Variants in UNC5D observed in about 807,000 individuals in gnomAD.
UNC5D encodes the protein netrin receptor UNC5D.
Under a neutral mutation model 105.4 loss-of-function variants are expected in UNC5D, and 39 were observed. The ratio of observed to expected loss-of-function variants is 0.37; its 90% CI spans 0.29 to 0.48. UNC5D has a LOEUF of 0.48. Among genes scored for constraint, UNC5D ranks in the 20% least tolerant of loss-of-function variants. UNC5D has a pLI of 0.98. For synonymous variants in UNC5D, 452 were observed against 450.4 expected, an observed-to-expected ratio of 1.00 and a Z score of -0.04; for missense variants, 991 against 1,202.4, an observed-to-expected ratio of 0.82 and a Z score of 2.60.
chr8:35,412,945 G>A (rs967628999), intron 1 of UNC5D, among the ~76,000 whole-genome samples: 1 of 152,074 alleles, frequency 6.6e-6, no homozygotes, highest in Admixed American at 6.5e-5. Context: ...TACAGAGGGA[G>A]TGCTTCATAA....
chr8:35,599,532 C>T (rs1327627787), intron 4 of UNC5D, among the ~76,000 whole-genome samples: 1 of 152,032 alleles, frequency 6.6e-6, no homozygotes, highest in Non-Finnish European at 1.5e-5. Flanking sequence ...TTCTCACATC[C>T]AGGTGTTCAA....
chr8:35,549,757 G>C (rs1197091875), intron 2 of UNC5D, among the ~76,000 whole-genome samples: 4 of 152,100 alleles, frequency 2.6e-5, no homozygotes, highest in Admixed American at 2.6e-4. Context: ...ACCAAATTTT[G>C]TATGAAAATT....
rs748852542 is a variant in UNC5D, at chr8:35,791,070, C to A, written c.*507C>A. ...CAACCCATTTGTATGACTTCAACAA[C>A]GTCAAGGAGGGCATTTAGAATTTAG... On this transcript the variant is annotated 3_prime_UTR_variant, in exon 17 of 17. Coordinates refer to ENST00000404895, the MANE Select transcript of UNC5D (RefSeq NM_080872.4). 1.7e-5 allele frequency: 3 copies of A among 180,226 alleles called. No homozygotes were observed. Among genetic ancestry groups the A allele is most frequent in the Admixed American group, 5.4e-5 (1 of 18,676 alleles). 11.2% of individuals were successfully genotyped at this position (180,226 alleles called of 1,614,324 possible).
chr8:35,494,631 A>G (rs1811432664), intron 1 of UNC5D, among the ~76,000 whole-genome samples: 1 of 152,200 alleles, frequency 6.6e-6, no homozygotes. Flanking sequence ...AATCATTCGT[A>G]TACCCTGGCA....
At chr8:35,438,182 A>C (rs1323615784) in intron 1 of UNC5D, among the ~76,000 whole-genome samples, 1 of 152,080 alleles carries the variant, frequency 6.6e-6, no homozygotes, top group African/African-American at 2.4e-5. Flanking sequence ...TGATACAGTA[A>C]GGAGACCGAC....
At chr8:35,724,150 C>CT in intron 9 of UNC5D, 3 of 1,445,710 alleles carry the variant, frequency 2.1e-6, no homozygotes, top group Non-Finnish European at 2.7e-6. Flanking sequence ...GGAGTGCTGA[C>CT]TTGCCTACAC....
At chr8:35,460,804 CCTT>C (rs1261456071) in intron 1 of UNC5D, among the ~76,000 whole-genome samples, 1 of 152,020 alleles carries the variant, frequency 6.6e-6, no homozygotes, top group Non-Finnish European at 1.5e-5. Context: ...GGGCATATGC[CCTT>C]CAGGCTAATT....
At position 35,235,575 on chromosome 8, in the gene UNC5D, G is replaced by T; in HGVS notation, c.-210G>T. 1 of 388,016 alleles carries T rather than the reference G, an allele frequency of 2.6e-6. No individual in the cohort carries two copies. Among genetic ancestry groups the T allele is most frequent in the East Asian group, 3.8e-5 (1 of 26,058 alleles). 24.0% of individuals were successfully genotyped at this position (388,016 alleles called of 1,614,324 possible). On this transcript the variant is annotated 5_prime_UTR_variant, in exon 1 of 17. Coordinates refer to ENST00000404895, the MANE Select transcript of UNC5D (RefSeq NM_080872.4). Reference sequence around the variant, plus strand: ...CGCTGGCGGCAGCGGTCGCCGCGCCGTGGGAAGCTATGGGGACGCGCCCTT... The same window carrying T: ...CGCTGGCGGCAGCGGTCGCCGCGCCTTGGGAAGCTATGGGGACGCGCCCTT...
chr8:35,249,499 A>C (rs1803536473), intron 1 of UNC5D, among the ~76,000 whole-genome samples: 1 of 150,916 alleles, frequency 6.6e-6, no homozygotes, highest in South Asian at 2.1e-4. Flanking sequence ...TGGAGGTTGC[A>C]GTGAACCGAG....
intron 1 of UNC5D, among the ~76,000 whole-genome samples, chr8:35,278,235 C>T (rs928003098): frequency 1.3e-5 from 2 of 152,164 alleles, no homozygotes; most frequent in African/African-American, 4.8e-5. Flanking sequence ...ACGTGTGCTT[C>T]CGGCTGCCCT....
rs778515891 is a variant in UNC5D at position 35,790,577 on chromosome 8, A to G, written c.*14A>G. 5.0e-6 allele frequency: 8 copies of G among 1,613,228 alleles called. No individual in the cohort carries two copies. The highest frequency in any genetic ancestry group is 1.1e-5 in the South Asian group (1 of 91,058). ...AATGGACTCTAGTCCACTTCCTCCC[A>G]TGAGACAGAGTGATGGCCAGCTTGG... is the stretch of plus-strand genomic sequence containing the variant. On this transcript the variant is annotated 3_prime_UTR_variant, in exon 17 of 17. Transcript: ENST00000404895.
intron 1 of UNC5D, among the ~76,000 whole-genome samples, chr8:35,305,633 C>CTTTTTCTT (rs1808331002): frequency 1.3e-5 from 1 of 77,480 alleles, no homozygotes; most frequent in South Asian, 3.7e-4. Flanking sequence ...TTTTCTTTCT[C>CTTTTTCTT]TCTCTCTCTT....
chr8:35,482,002 G>A (rs998455448), intron 1 of UNC5D, among the ~76,000 whole-genome samples: 1 of 152,170 alleles, frequency 6.6e-6, no homozygotes. Flanking sequence ...TGCATGTGAA[G>A]TGTGAGAGAA....
intron 2 of UNC5D, among the ~76,000 whole-genome samples, chr8:35,565,965 A>G (rs768520632): frequency 2.6e-5 from 4 of 152,062 alleles, no homozygotes; most frequent in Non-Finnish European, 4.4e-5. Flanking sequence ...GCCCATTCAT[A>G]TTTCTTCTTT....
rs1351411732 is a variant in UNC5D, at chr8:35,646,157, GT to G, written c.571-37388del. The stretch of plus-strand genomic sequence containing the variant: ...TTAACACTTTCTGAGCACTTATTGT[GT>G]TGTCATTTTGCTAGGTTGGAGAAAG... On this transcript the variant is annotated intron_variant, in intron 4 of 16. Transcript: ENST00000404895. Among the ~76,000 whole-genome samples the G allele has an allele frequency of 2.0e-5, 3 of 152,216 alleles. No homozygotes were observed. In the East Asian group the frequency reaches 5.8e-4, roughly 29 times the overall value.
chr8:35,402,590 A>G (rs1804543354), intron 1 of UNC5D, among the ~76,000 whole-genome samples: 1 of 152,112 alleles, frequency 6.6e-6, no homozygotes, highest in Non-Finnish European at 1.5e-5. Flanking sequence ...CACATAATCC[A>G]TGTTCTCATG....
intron 1 of UNC5D, among the ~76,000 whole-genome samples, chr8:35,526,323 C>T (rs1349178435): frequency 6.6e-6 from 1 of 152,180 alleles, no homozygotes; most frequent in Non-Finnish European, 1.5e-5. Context: ...AAGCGGCTCC[C>T]TGAGTCCTTG....
intron 1 of UNC5D, among the ~76,000 whole-genome samples, chr8:35,341,710 A>G (rs1387145860): frequency 2.0e-5 from 3 of 152,154 alleles, no homozygotes; most frequent in Admixed American, 2.0e-4. Context: ...TCTTAATAAC[A>G]AGTGACCAGA....
At chr8:35,423,853 T>C (rs1806071614) in intron 1 of UNC5D, among the ~76,000 whole-genome samples, 1 of 135,812 alleles carries the variant, frequency 7.4e-6, no homozygotes, top group African/African-American at 2.8e-5. Flanking sequence ...TAAGGAGTAC[T>C]TTTTTTTTTT....
Sources: allele counts gnomAD v4.1 joint callset (sites outside exome capture counted in the v4.1 genomes callset), GRCh38; gene constraint gnomAD v4.1.1; transcripts MANE v1.5; gene names NCBI Gene and HGNC (gene_info 2026-07-23, HGNC 2026-07-21).